The following PREP variants were observed in gnomAD, a reference collection of about 807,000 sequenced individuals.
PREP encodes dJ355L5.1 (prolyl endopeptidase).
A neutral mutation model predicts 87.6 loss-of-function variants in PREP; 29 were observed. The ratio of observed to expected loss-of-function variants is 0.33; its 90% CI spans 0.25 to 0.45. The LOEUF is 0.45. PREP is among the 20% of genes least tolerant of loss of function. The pLI, the probability that PREP is intolerant of heterozygous loss-of-function variation, is 1.00. For synonymous variants in PREP, 337 were observed against 328.6 expected, an observed-to-expected ratio of 1.03 and a Z score of -0.28; for missense variants, 695 against 886.5, an observed-to-expected ratio of 0.78 and a Z score of 2.74.
chr6:105,374,909 G>T (rs575336628), intron 4 of PREP, among the ~76,000 whole-genome samples: 37 of 151,984 alleles, frequency 2.4e-4, no homozygotes, highest in African/African-American at 8.7e-4. Flanking sequence ...ATTCCATAAA[G>T]AAGTCACTAG....
Position 105,358,090 on chromosome 6 carries a change from A to G in PREP, c.718-5013T>C, listed in dbSNP as rs115491662. On this transcript the variant is annotated intron_variant, in intron 6 of 14. Transcript: ENST00000652536. ...TACAAATTCCTAAATTTGTGCTTTC[A>G]TGGCTTCCTTCTATTTTAAATCTAT... Among the ~76,000 whole-genome samples, 748 of 152,206 alleles carry G rather than the reference A, an allele frequency of 4.9e-3. 2 individuals are homozygous for G. The highest frequency in any genetic ancestry group is 0.017 in the African/African-American group (692 of 41,552).
chr6:105,319,768 C>T (rs942613407), intron 10 of PREP, among the ~76,000 whole-genome samples: 16 of 152,306 alleles, frequency 1.1e-4, no homozygotes, highest in African/African-American at 3.4e-4. Context: ...AGGCTTCCTC[C>T]TTTACCCAAG....
chr6:105,295,735 G>T (rs1422592921), intron 10 of PREP, among the ~76,000 whole-genome samples: 2 of 152,160 alleles, frequency 1.3e-5, no homozygotes, highest in Non-Finnish European at 2.9e-5. Flanking sequence ...GTGATAAATG[G>T]AATCGGGCTA....
chr6:105,294,599 C>G (rs1344195659), intron 10 of PREP, among the ~76,000 whole-genome samples: 1 of 152,188 alleles, frequency 6.6e-6, no homozygotes, highest in Non-Finnish European at 1.5e-5. Flanking sequence ...AGGGACTGCA[C>G]TCAGCCCTAG....
chr6:105,329,508 A>C (rs1771264996), intron 8 of PREP, among the ~76,000 whole-genome samples: 1 of 152,188 alleles, frequency 6.6e-6, no homozygotes, highest in Non-Finnish European at 1.5e-5. Flanking sequence ...TTAATAAATG[A>C]CTGTTTTATT....
chr6:105,296,410 G>T (rs1285902292), intron 10 of PREP, among the ~76,000 whole-genome samples: 1 of 151,640 alleles, frequency 6.6e-6, no homozygotes. Flanking sequence ...TTTCTCTGTG[G>T]TGTCTTGAGG....
At chr6:105,354,861 G>T (rs538791657) in intron 6 of PREP, among the ~76,000 whole-genome samples, 1 of 152,080 alleles carries the variant, frequency 6.6e-6, no homozygotes, top group Non-Finnish European at 1.5e-5. Context: ...CTGACTAATA[G>T]CTGTTATTCT....
At chr6:105,289,820 C>T (rs1213879446) in intron 10 of PREP, among the ~76,000 whole-genome samples, 11 of 152,160 alleles carry the variant, frequency 7.2e-5, no homozygotes, top group African/African-American at 1.9e-4. Flanking sequence ...GTTGACCTTA[C>T]GTTCCAGTCA....
intron 2 of PREP, among the ~76,000 whole-genome samples, chr6:105,384,684 C>A (rs759809132): frequency 1.4e-4 from 22 of 152,246 alleles, no homozygotes; most frequent in Admixed American, 9.2e-4. Context: ...GCAAAACAAT[C>A]AGAATCCTTT....
At chr6:105,363,137 T>C (rs1417424399) in intron 6 of PREP, among the ~76,000 whole-genome samples, 1 of 151,948 alleles carries the variant, frequency 6.6e-6, no homozygotes, top group Admixed American at 6.6e-5. Context: ...ATACTAAGAT[T>C]CAGGATTACT....
At position 105,282,447 on chromosome 6, in the gene PREP, T is replaced by C; in HGVS notation, c.1681+4A>G. The stretch of plus-strand genomic sequence containing the variant: ...AAGTGCAATGAATAAAATCCAGTAC[T>C]CACCCACTAAGAGGCCTCCATTTGA... On this transcript the variant is annotated splice_donor_region_variant and intron_variant, in intron 13 of 14. Coordinates refer to ENST00000652536, the MANE Select transcript of PREP (RefSeq NM_002726.5). 1 of 1,612,898 alleles carries C rather than the reference T, an allele frequency of 6.2e-7. No individual in the cohort carries two copies. Among genetic ancestry groups the C allele is most frequent in the Non-Finnish European group, 8.5e-7 (1 of 1,179,608 alleles).
intron 10 of PREP, among the ~76,000 whole-genome samples, chr6:105,296,704 C>T (rs1770419816): frequency 6.6e-6 from 1 of 152,142 alleles, no homozygotes; most frequent in Non-Finnish European, 1.5e-5. Flanking sequence ...CCTTTCAATC[C>T]CTATATGGCA....
At chr6:105,361,927 CAAAT>C (rs1583081972) in intron 6 of PREP, among the ~76,000 whole-genome samples, 1 of 152,062 alleles carries the variant, frequency 6.6e-6, no homozygotes, top group African/African-American at 2.4e-5. Context: ...ATAATTTTAA[CAAAT>C]AAAGTTACCC....
rs374827128 is a variant in PREP, at chr6:105,380,239, T to C, written c.121-2720A>G. 3.0e-4 allele frequency among the ~76,000 whole-genome samples: 46 copies of C among 152,096 alleles called. No homozygotes were observed. The East Asian group carries it at 7.9e-3, about 26-fold the overall frequency. ...ACCATGCAAGGTGGGGCAGAATGTTTTGGGCAGAGGAAACAGCAGGTGTGG... is the reference window on the plus strand; with the variant it reads ...ACCATGCAAGGTGGGGCAGAATGTTCTGGGCAGAGGAAACAGCAGGTGTGG... On this transcript the variant is annotated intron_variant, in intron 2 of 14. Coordinates refer to ENST00000652536, the MANE Select transcript of PREP (RefSeq NM_002726.5).
At chr6:105,305,613 A>G (rs531705166) in intron 10 of PREP, among the ~76,000 whole-genome samples, 8 of 152,274 alleles carry the variant, frequency 5.3e-5, no homozygotes, top group Middle Eastern at 3.4e-3. Flanking sequence ...GTAAAAGAAC[A>G]AATTCTTTTT....
chr6:105,382,084 T>C (rs1296440198), intron 2 of PREP, among the ~76,000 whole-genome samples: 2 of 152,046 alleles, frequency 1.3e-5, no homozygotes, highest in African/African-American at 4.8e-5. Context: ...CTCTCACTTA[T>C]ATGTTTTATT....
chr6:105,402,260 T>C (rs1343969237), intron 1 of PREP, among the ~76,000 whole-genome samples: 2 of 152,206 alleles, frequency 1.3e-5, no homozygotes, highest in African/African-American at 4.8e-5. Flanking sequence ...TCCCCATTTC[T>C]GTCCGGGTCT....
At chr6:105,318,753 C>T (rs1343756440) in intron 10 of PREP, among the ~76,000 whole-genome samples, 1 of 152,186 alleles carries the variant, frequency 6.6e-6, no homozygotes. Context: ...TTTGAAAATG[C>T]TGCCCCATTC....
At chr6:105,393,396 G>A (rs1773208389) in intron 2 of PREP, among the ~76,000 whole-genome samples, 1 of 152,080 alleles carries the variant, frequency 6.6e-6, no homozygotes, top group Non-Finnish European at 1.5e-5. Context: ...CAGGGGCGGG[G>A]CAGGGGGTAG....
Sources: allele counts gnomAD v4.1 joint callset (sites outside exome capture counted in the v4.1 genomes callset), GRCh38; gene constraint gnomAD v4.1.1; transcripts MANE v1.5; gene names NCBI Gene and HGNC (gene_info 2026-07-23, HGNC 2026-07-21).